Variants in TOP3B observed in about 807,000 individuals in gnomAD.
TOP3B encodes DNA topoisomerase 3-beta-1.
TOP3B carries 45 observed loss-of-function variants against 93.9 expected under a neutral mutation model. The ratio of observed to expected loss-of-function variants is 0.48; its 90% confidence interval spans 0.38 to 0.61. The LOEUF is 0.61. TOP3B is among the 20% of genes least tolerant of loss of function. TOP3B has a pLI of 0.00. For missense variants in TOP3B, 750 were observed against 1,156.1 expected (o/e 0.65, Z 5.09); for synonymous variants, 357 against 472.6 (o/e 0.76, Z 3.17).
chr22:21,964,471 C>T (rs916986196), intron 9 of TOP3B, 156 bp from the exon 10 acceptor site: 9 of 805,270 alleles, frequency 1.1e-5, no homozygotes, highest in African/African-American at 5.2e-5. Context: ...AGCTGCTGGC[C>T]GGGTGGGCAC....
In TOP3B at chr22:21,971,821, T is replaced by C. The variant is rs1329712653; in HGVS notation, c.384+56A>G. ...GATGTGACTGACTGCTGGTGTCAGT[T>C]TGGGGCTGGTGTCAGAAAGGCCAAA... On this transcript the variant is annotated intron_variant, in intron 5 of 17. Transcript: ENST00000357179. The surrounding 1 kb of genome is among the most constrained non-coding windows in gnomAD (Gnocchi z 4.6). 2.0e-6 allele frequency: 3 copies of C among 1,538,074 alleles called. No individual in the cohort carries two copies. The highest frequency in any genetic ancestry group is 2.2e-5 in the East Asian group (1 of 44,464).
At chr22:21,972,242 TAAC>T in intron 4 of TOP3B, 1 of 469,604 alleles carries the variant, frequency 2.1e-6, no homozygotes, top group East Asian at 3.5e-5. Flanking sequence ...CCCTAAATGA[TAAC>T]AGCAGTCGTC....
chr22:21,958,974 G>A (rs1184944152), intron 16 of TOP3B, 158 bp downstream of exon 16: 1 of 1,166,760 alleles, frequency 8.6e-7, no homozygotes, highest in East Asian at 2.6e-5. Context: ...TATTCTAGGG[G>A]ACGTGGGGAC....
chr22:21,971,080 A>C lies in TOP3B; in HGVS notation c.385-674T>G. 7.7e-7 allele frequency: 1 copy of C among 1,301,632 alleles called. No homozygotes were observed. The highest frequency in any genetic ancestry group is 1.0e-6 in the Non-Finnish European group (1 of 987,022). 80.6% of individuals were successfully genotyped at this position (1,301,632 alleles called of 1,614,324 possible). A position where few individuals can be genotyped will look rare whatever the true frequency, so the allele number is the denominator to read the frequency against. On this transcript the variant is annotated intron_variant, in intron 5 of 17. Coordinates refer to ENST00000357179, the MANE Select transcript of TOP3B (RefSeq NM_001282112.2). This position sits in a 1 kb window ranked among gnomAD's most constrained non-coding sequence, Gnocchi z 4.6. ...TTCATTTCTGAAGGGAGAAAGCCCCATGAGCTGCCCCCATTCTCCATTCCC... is the reference window on the plus strand; with the variant it reads ...TTCATTTCTGAAGGGAGAAAGCCCCCTGAGCTGCCCCCATTCTCCATTCCC...
chr22:21,962,661 C>T (rs1275604620), intron 12 of TOP3B, 59 bp from the exon 13 acceptor site: 4 of 1,605,966 alleles, frequency 2.5e-6, no homozygotes, highest in Non-Finnish European at 2.6e-6. Flanking sequence ...GGCCTCAGAC[C>T]CTGGGCCTCC....
At chr22:21,976,441 TATC>T (rs1190651394) in intron 1 of TOP3B, 1 of 151,148 alleles carries the variant, frequency 6.6e-6, no homozygotes, top group East Asian at 1.9e-4. Context: ...TTAAATCAAA[TATC>T]ATCATCGAAG....
rs1171544715 is a variant in TOP3B, at chr22:21,963,171, TA to T, written c.1205-279del. ...CAACATGGTGAAACCCCGTCTCTAC[TA>T]AAAATACAAAGAAATTAGCTGGGTG... On this transcript the variant is annotated intron_variant, in intron 11 of 17. Transcript: ENST00000357179. The surrounding 1 kb of genome is among the most constrained non-coding windows in gnomAD (Gnocchi z 4.8). 6.0e-6 allele frequency: 2 copies of T among 333,154 alleles called. No individual in the cohort carries two copies. Among genetic ancestry groups the T allele is most frequent in the African/African-American group, 4.3e-5 (2 of 46,934 alleles). 20.6% of individuals were successfully genotyped at this position (333,154 alleles called of 1,614,324 possible). A position where few individuals can be genotyped will look rare whatever the true frequency, so the allele number is the denominator to read the frequency against.
Position 21,960,447 on chromosome 22 carries a change from T to G in TOP3B, c.1528A>C (p.Thr510Pro). The change falls in exon 14 of 18, where the codon ACG becomes CCG. Residue 510 changes from threonine to proline, a missense_variant and splice_region_variant. Around this residue, in one of 4 missense-constraint regions of TOP3B, gnomAD observed 737 missense variants for 933.7 expected, o/e 0.79. Transcript: ENST00000357179. ...ATATGCACAGGGATGCTGGCATCCGTGCCTGCAATGTACAAGGCCCCAGGG... is the reference window on the plus strand; with the variant it reads ...ATATGCACAGGGATGCTGGCATCCGGGCCTGCAATGTACAAGGCCCCAGGG... ...ITLMEKHGIG[T>P]DASIPVHINN... 6.2e-7 allele frequency: 1 copy of G among 1,613,392 alleles called. No homozygotes were observed. Among genetic ancestry groups the G allele is most frequent in the Non-Finnish European group, 8.5e-7 (1 of 1,179,948 alleles).
intron 1 of TOP3B, chr22:21,976,426 C>A (rs2071875127): frequency 6.6e-6 from 1 of 150,710 alleles, no homozygotes; most frequent in South Asian, 2.1e-4. Flanking sequence ...CATGCTCTGG[C>A]CAAATTAAAT....
rs946871938 is a variant in TOP3B at position 21,967,685 on chromosome 22, A to G, written c.770T>C (p.Leu257Ser). The change falls in exon 8 of 18, where the codon TTG (leucine) becomes TCG (serine). Residue 257 changes from leucine (L) to serine (S), a missense_variant. This residue lies in a region of TOP3B where 737 missense variants were observed against 933.7 expected (regional missense o/e 0.79). Coordinates refer to ENST00000357179, the MANE Select transcript of TOP3B (RefSeq NM_001282112.2). ...VNTDKDRSLL[L>S]DWDRVRVFDR... ...AAACACTCTTACTCGGTCCCAGTCC[A>G]AAAGGAGAGATCTGTCTTTGTCAGT... The G allele has an allele frequency of 6.2e-7, 1 of 1,614,016 alleles. No homozygotes were observed. Among genetic ancestry groups the G allele is most frequent in the African/African-American group, 1.3e-5 (1 of 74,930 alleles).
At position 21,962,756 on chromosome 22, in the gene TOP3B, G is replaced by C. The variant is rs1432873072; in HGVS notation, c.1342C>G (p.Leu448Val). 1 of 1,614,172 alleles carries C rather than the reference G, an allele frequency of 6.2e-7. No individual in the cohort carries two copies. The highest frequency in any genetic ancestry group is 8.5e-7 in the Non-Finnish European group (1 of 1,180,030). Residue 448 changes from leucine (L) to valine (V), a missense_variant, in exon 12 of 18, where the codon CTC becomes GTC. Leu to Val is a conservative substitution (Grantham distance 32). Coordinates refer to ENST00000357179, the MANE Select transcript of TOP3B (RefSeq NM_001282112.2). ...GGGCCCGTGGTGTGACCTGGTGAGAGGACGGTCTTCCCGGAGCAGGTGAAG... is the reference window on the plus strand; with the variant it reads ...GGGCCCGTGGTGTGACCTGGTGAGACGACGGTCTTCCCGGAGCAGGTGAAG... ...ELFTCSGKTV[L>V]SPGFTEVMPW... is the part of the protein sequence containing the mutation.
rs141517762 is a variant in TOP3B at position 21,959,742 on chromosome 22, A to G, written c.1655-6T>C. ...GGGGAGCACCAGCTCTGCATCTGCAAGTGGGCAGGGGGCAGATATTGCCCT... is the reference window on the plus strand; with the variant it reads ...GGGGAGCACCAGCTCTGCATCTGCAGGTGGGCAGGGGGCAGATATTGCCCT... On this transcript the variant is annotated splice_region_variant and splice_polypyrimidine_tract_variant and intron_variant, in intron 14 of 17. Coordinates refer to ENST00000357179, the MANE Select transcript of TOP3B (RefSeq NM_001282112.2). 1,712 of 1,611,896 alleles carry G rather than the reference A, an allele frequency of 1.1e-3. 14 individuals are homozygous for G. The highest frequency in any genetic ancestry group is 9.7e-3 in the East Asian group (435 of 44,868).
chr22:21,959,471 G>C, intron 15 of TOP3B, 116 bp downstream of exon 15: 1 of 1,514,040 alleles, frequency 6.6e-7, no homozygotes, highest in Non-Finnish European at 8.8e-7. Flanking sequence ...GGCCTACGGA[G>C]GCCTGAAGCC....
At chr22:21,968,868 C>G in intron 6 of TOP3B, 93 bp from the exon 7 acceptor site, 1 of 1,432,302 alleles carries the variant, frequency 7.0e-7, no homozygotes, top group Non-Finnish European at 9.7e-7. Context: ...AGGGGTGGTG[C>G]ATGAAGGAGG....
chr22:21,963,436 C>A lies in TOP3B; in HGVS notation c.1204+487G>T, dbSNP rs1249893868. 5 of 176,518 alleles carry A rather than the reference C, an allele frequency of 2.8e-5. No homozygotes were observed. Among genetic ancestry groups the A allele is most frequent in the Non-Finnish European group, 6.1e-5 (5 of 82,624 alleles). The allele number at this position is 176,518 out of a possible 1,614,324, so 10.9% of individuals were successfully genotyped here. A position where few individuals can be genotyped will look rare whatever the true frequency, so the allele number is the denominator to read the frequency against. ...TGCGGCTCCCACCATCCTGCACAAC[C>A]TCCTGTCCCTGCTTCTGGCGGGACT... On this transcript the variant is annotated intron_variant, in intron 11 of 17. Coordinates refer to ENST00000357179, the MANE Select transcript of TOP3B (RefSeq NM_001282112.2). The surrounding 1 kb of genome is among the most constrained non-coding windows in gnomAD (Gnocchi z 4.8).
rs1036082327 is a variant in TOP3B, at chr22:21,959,417, A to G, written c.1804+170T>C. On this transcript the variant is annotated intron_variant, in intron 15 of 17. Transcript: ENST00000357179. ...CGTGTTCCTGGCCATGTGTGGTGTTAATGCACCTGCTCTTTCAACCCAGCC... is the reference window on the plus strand; with the variant it reads ...CGTGTTCCTGGCCATGTGTGGTGTTGATGCACCTGCTCTTTCAACCCAGCC... 5.4e-6 allele frequency: 8 copies of G among 1,488,820 alleles called. No homozygotes were observed. In the African/African-American group the frequency reaches 9.8e-5, roughly 18 times the overall value. The allele number at this position is 1,488,820 out of a possible 1,614,324, so 92.2% of individuals were successfully genotyped here.
At position 21,962,812 on chromosome 22, in the gene TOP3B, C is replaced by T; in HGVS notation, c.1286G>A (p.Ser429Asn). 6.2e-7 allele frequency: 1 copy of T among 1,614,112 alleles called. No homozygotes were observed. Among genetic ancestry groups the T allele is most frequent in the Non-Finnish European group, 8.5e-7 (1 of 1,180,020 alleles). The change falls in exon 12 of 18, where the codon AGC becomes AAC. Residue 429 changes from serine (S) to asparagine (N), a missense_variant. Physicochemically the swap from Ser to Asn is conservative, Grantham distance 46. Coordinates refer to ENST00000357179, the MANE Select transcript of TOP3B (RefSeq NM_001282112.2). The part of the protein sequence containing the change: ...TVSHDCKYLQ[S>N]TISFRIGPEL... The stretch of plus-strand genomic sequence containing the variant: ...GGGCCCAATTCTGAAGGAGATGGTG[C>T]TCTGCAGGTACTTGCAGTCATGGCT...
chr22:21,981,188 G>T (rs897621899), intron 1 of TOP3B, among the ~76,000 whole-genome samples: 3 of 152,206 alleles, frequency 2.0e-5, no homozygotes, highest in Non-Finnish European at 4.4e-5. Context: ...AATTATGTAT[G>T]ACATAATGAG....
chr22:21,958,373 T>C (rs1350445669), intron 17 of TOP3B, 119 bp downstream of exon 17: 9 of 1,551,758 alleles, frequency 5.8e-6, no homozygotes, highest in Non-Finnish European at 7.9e-6. Flanking sequence ...TCAGTGCCAA[T>C]GAGTGCAGGA....
Sources: gnomAD v4.1 joint callset for allele counts (sites outside exome capture counted in the v4.1 genomes callset) on GRCh38, gnomAD v4.1.1 for gene constraint, gnomAD v4.1.1 regional missense constraint, Gnocchi (gnomAD v3.1) non-coding constraint, MANE v1.5 for transcripts, NCBI Gene and HGNC (gene_info 2026-07-23, HGNC 2026-07-21) for gene names.